The following GLIS3 variants were observed in gnomAD, a reference collection of about 807,000 sequenced individuals.
The protein encoded by GLIS3 is GLIS family zinc finger 3.
GLIS3 carries 53 observed loss-of-function variants against 78.6 expected under a neutral mutation model. That is an observed-to-expected ratio of 0.67 (90% CI 0.54 to 0.85). The LOEUF is 0.85. Among genes scored for constraint, GLIS3 ranks in the 40% least tolerant of loss-of-function variants. The probability of loss-of-function intolerance (pLI) is 0.00; values close to 1 mark genes in which losing one functional copy is unlikely to be tolerated. For synonymous variants in GLIS3, 684 were observed against 509.9 expected, an observed-to-expected ratio of 1.34 and a Z score of -4.60; for missense variants, 1,703 against 1,231.1, an observed-to-expected ratio of 1.38 and a Z score of -5.74.
At chr9:4,363,273 A>G in the GLIS3 span, among the ~76,000 whole-genome samples, 2 of 152,096 alleles carry the variant, frequency 1.3e-5, no homozygotes, top group African/African-American at 4.8e-5. Flanking sequence ...AAATACAAAA[A>G]TTAGCCAGGT....
chr9:3,984,293 A>T (rs2129650156), intron 4 of GLIS3, among the ~76,000 whole-genome samples: 1 of 152,374 alleles, frequency 6.6e-6, no homozygotes, highest in African/African-American at 2.4e-5. Context: ...GGCTGCTGGG[A>T]GGGACGCTAT....
At chr9:4,031,673 A>G (rs548960622) in intron 4 of GLIS3, among the ~76,000 whole-genome samples, 192 of 152,338 alleles carry the variant, frequency 1.3e-3, no homozygotes, top group African/African-American at 4.5e-3. Flanking sequence ...GTCGAGAAAG[A>G]TAAACAAAAA....
chr9:4,189,054 G>C (rs1215360416), intron 2 of GLIS3, among the ~76,000 whole-genome samples: 1 of 151,850 alleles, frequency 6.6e-6, no homozygotes, highest in Non-Finnish European at 1.5e-5. Context: ...GGATGTGTTT[G>C]CTCTTGCTTT....
At chr9:4,176,542 G>C (rs1462781892) in intron 2 of GLIS3, among the ~76,000 whole-genome samples, 9 of 151,748 alleles carry the variant, frequency 5.9e-5, no homozygotes, top group African/African-American at 9.7e-5. Flanking sequence ...TGCACTTTTA[G>C]GGTAGGAGGA....
At chr9:3,875,583 A>T (rs1187779170) in intron 8 of GLIS3, 1 of 152,248 alleles carries the variant, frequency 6.6e-6, no homozygotes, top group African/African-American at 2.4e-5. Context: ...TTTCCCAGGC[A>T]AACAGAGGCA....
intron 2 of GLIS3, among the ~76,000 whole-genome samples, chr9:4,203,102 T>C (rs1819554980): frequency 6.6e-6 from 1 of 152,168 alleles, no homozygotes. Context: ...ATCCAGAATC[T>C]ACAAAGAACT....
At chr9:3,899,010 C>G in intron 6 of GLIS3, 175 bp from the exon 7 acceptor site, 1 of 751,106 alleles carries the variant, frequency 1.3e-6, no homozygotes, top group Non-Finnish European at 2.2e-6. Flanking sequence ...GTTCTCCAAT[C>G]CTAATAACAC....
At chr9:4,096,822 G>C (rs954781341) in intron 4 of GLIS3, among the ~76,000 whole-genome samples, 1 of 152,044 alleles carries the variant, frequency 6.6e-6, no homozygotes, top group Non-Finnish European at 1.5e-5. Context: ...GACCAGCCTG[G>C]GCAACATGGC....
intron 4 of GLIS3, among the ~76,000 whole-genome samples, chr9:4,058,796 C>T (rs1221104791): frequency 2.0e-5 from 3 of 151,914 alleles, no homozygotes; most frequent in Non-Finnish European, 2.9e-5. Context: ...CTGGCTAACA[C>T]AGTGAAACCC....
chr9:4,153,422 G>C (rs1053327297), intron 2 of GLIS3, among the ~76,000 whole-genome samples: 4 of 152,138 alleles, frequency 2.6e-5, no homozygotes, highest in African/African-American at 9.7e-5. Flanking sequence ...AAATTAGCCA[G>C]GTGTGCTTGT....
intron 2 of GLIS3, among the ~76,000 whole-genome samples, chr9:4,197,872 CA>C (rs1191634252): frequency 2.0e-5 from 3 of 151,840 alleles, no homozygotes; most frequent in Non-Finnish European, 4.4e-5. Flanking sequence ...GAAGTAAAGC[CA>C]AAAGACCATA....
At chr9:4,087,421 A>T (rs1482856398) in intron 4 of GLIS3, among the ~76,000 whole-genome samples, 1 of 152,210 alleles carries the variant, frequency 6.6e-6, no homozygotes, top group Non-Finnish European at 1.5e-5. Context: ...AGGAAAATGG[A>T]TTCTGAAATG....
At chr9:4,253,530 T>C (rs1163605353) in intron 2 of GLIS3, among the ~76,000 whole-genome samples, 2 of 152,256 alleles carry the variant, frequency 1.3e-5, no homozygotes, top group Non-Finnish European at 1.5e-5. Context: ...CCAGTGGATC[T>C]TGGCTTGCTG....
At chr9:4,376,385 G>A in the GLIS3 span, among the ~76,000 whole-genome samples, 1 of 152,322 alleles carries the variant, frequency 6.6e-6, no homozygotes, top group South Asian at 2.1e-4. Flanking sequence ...AAAAACAATG[G>A]AAGACATTAT....
Position 4,215,353 on chromosome 9 carries a change from GTGTA to G in GLIS3, c.388+70681_388+70684del, listed in dbSNP as rs987692869. On this transcript the variant is annotated intron_variant, in intron 2 of 10. Transcript: ENST00000381971. ...TGTGTGTGTGTGTGTGTGTGTGTGT[GTGTA>G]TAAATACATATGCATATGTAATATA... 1.2e-4 allele frequency among the ~76,000 whole-genome samples: 14 copies of G among 118,928 alleles called. No individual in the cohort carries two copies. In the East Asian group the frequency reaches 3.0e-3, roughly 26 times the overall value. 78.0% of individuals were successfully genotyped at this position (118,928 alleles called of 152,430 possible).
chr9:4,169,621 T>A (rs7045178), intron 2 of GLIS3, among the ~76,000 whole-genome samples: 58,129 of 151,784 alleles, frequency 0.38, 12,955 homozygotes, highest in East Asian at 0.66. Context: ...ACAGTTGTAC[T>A]GTAGTTAAGA....
At chr9:3,899,138 T>C (rs1470316842) in intron 6 of GLIS3, among the ~76,000 whole-genome samples, 3 of 152,228 alleles carry the variant, frequency 2.0e-5, no homozygotes. Flanking sequence ...CCGTATCTTA[T>C]CAGAACTTGT....
At chr9:3,834,427 A>C (rs1401127118) in intron 9 of GLIS3, among the ~76,000 whole-genome samples, 5 of 152,252 alleles carry the variant, frequency 3.3e-5, no homozygotes, top group Non-Finnish European at 5.9e-5. Context: ...TGGTTATTAC[A>C]TCTTTGAAAT....
intron 7 of GLIS3, among the ~76,000 whole-genome samples, chr9:3,891,893 G>A (rs961399393): frequency 6.6e-6 from 1 of 152,134 alleles, no homozygotes; most frequent in African/African-American, 2.4e-5. Context: ...GCATCCCTGT[G>A]AACCAGCCTG....
Sources: gnomAD v4.1 joint callset for allele counts (sites outside exome capture counted in the v4.1 genomes callset) on GRCh38, gnomAD v4.1.1 for gene constraint, MANE v1.5 for transcripts, NCBI Gene and HGNC (gene_info 2026-07-23, HGNC 2026-07-21) for gene names.